The following MALRD1 variants were observed in gnomAD, a reference collection of about 807,000 sequenced individuals.
The protein encoded by MALRD1 is MAM and LDL-receptor class A domain-containing protein 1.
Under a neutral mutation model 242.1 loss-of-function variants are expected in MALRD1, and 247 were observed. That is an observed-to-expected ratio of 1.02 (90% CI 0.92 to 1.13). The LOEUF is 1.13. MALRD1 is among the 50% of genes most tolerant of loss of function. The pLI, the probability that MALRD1 is intolerant of heterozygous loss-of-function variation, is 0.00. For missense variants in MALRD1, 2,989 were observed against 2,533.1 expected (o/e 1.18, Z -3.86); for synonymous variants, 995 against 866.6 (o/e 1.15, Z -2.60).
intron 6 of MALRD1, 47 bp from the exon 7 acceptor site, chr10:19,124,477 C>T (rs1267224193): frequency 8.1e-7 from 1 of 1,232,226 alleles, no homozygotes; most frequent in African/African-American, 1.6e-5. Context: ...GTTAAGCAGC[C>T]ACTCTAGCAG....
At chr10:19,287,774 A>C (rs1841198700) in intron 21 of MALRD1, among the ~76,000 whole-genome samples, 1 of 152,112 alleles carries the variant, frequency 6.6e-6, no homozygotes, top group Non-Finnish European at 1.5e-5. Context: ...TCACCTAACA[A>C]TGCATTTCTC....
At chr10:19,540,096 T>C (rs1028180076) in intron 32 of MALRD1, among the ~76,000 whole-genome samples, 6 of 151,952 alleles carry the variant, frequency 3.9e-5, no homozygotes, top group Non-Finnish European at 7.4e-5. Flanking sequence ...ATCTTCTTTG[T>C]CAAACTCACT....
chr10:19,244,002 T>C (rs762458423), intron 18 of MALRD1, among the ~76,000 whole-genome samples: 1 of 152,182 alleles, frequency 6.6e-6, no homozygotes, highest in Non-Finnish European at 1.5e-5. Flanking sequence ...TATATGAAAG[T>C]AAATGTCCTA....
At chr10:19,304,261 C>T (rs996674643) in intron 21 of MALRD1, among the ~76,000 whole-genome samples, 2 of 151,664 alleles carry the variant, frequency 1.3e-5, no homozygotes, top group African/African-American at 4.8e-5. Flanking sequence ...CCAGGTTACA[C>T]ATGGCATATC....
intron 31 of MALRD1, among the ~76,000 whole-genome samples, chr10:19,515,081 C>CAAA (rs199895436): frequency 8.3e-5 from 12 of 144,458 alleles, no homozygotes; most frequent in East Asian, 2.0e-4. Flanking sequence ...TGCTTTAGGA[C>CAAA]AAAAAAAAAA....
At chr10:19,117,175 C>A (rs542414739) in intron 5 of MALRD1, among the ~76,000 whole-genome samples, 19 of 151,464 alleles carry the variant, frequency 1.3e-4, no homozygotes, top group African/African-American at 4.6e-4. Context: ...AAATAACTGA[C>A]ATCTTTAAAT....
chr10:19,348,064 T>C, intron 25 of MALRD1, 46 bp downstream of exon 25: 1 of 1,521,200 alleles, frequency 6.6e-7, no homozygotes, highest in Non-Finnish European at 8.8e-7. Flanking sequence ...ACAGAATTAT[T>C]GTGAGCAAGT....
chr10:19,428,410 C>T (rs1218136548), intron 28 of MALRD1, among the ~76,000 whole-genome samples: 1 of 151,964 alleles, frequency 6.6e-6, no homozygotes, highest in Non-Finnish European at 1.5e-5. Context: ...ATTTTAATCC[C>T]TGAATACGAT....
chr10:19,498,266 A>G (rs532361372), intron 30 of MALRD1, among the ~76,000 whole-genome samples: 10 of 152,342 alleles, frequency 6.6e-5, no homozygotes, highest in Admixed American at 2.0e-4. Flanking sequence ...TTATTCGTCA[A>G]TGCATATAAC....
chr10:19,729,256 A>G (rs1293702848), intron 38 of MALRD1, among the ~76,000 whole-genome samples: 1 of 152,222 alleles, frequency 6.6e-6, no homozygotes, highest in Non-Finnish European at 1.5e-5. Flanking sequence ...GACAATAGGC[A>G]GTTATGCCTA....
At chr10:19,463,897 A>T (rs1310423289) in intron 29 of MALRD1, among the ~76,000 whole-genome samples, 1 of 151,940 alleles carries the variant, frequency 6.6e-6, no homozygotes, top group African/African-American at 2.4e-5. Context: ...TGATTTTTTG[A>T]TTATGGCCAT....
In MALRD1 at chr10:19,335,736, C is replaced by T. The variant is rs369439300; in HGVS notation, c.3901+4154C>T. 3.3e-5 allele frequency among the ~76,000 whole-genome samples: 5 copies of T among 152,096 alleles called. No individual in the cohort carries two copies. The East Asian group carries it at 7.7e-4, about 24-fold the overall frequency. On this transcript the variant is annotated intron_variant, in intron 24 of 39. Coordinates refer to ENST00000454679, the MANE Select transcript of MALRD1 (RefSeq NM_001142308.3). Reference sequence around the variant, plus strand: ...ATGTGATTAGGTAGAAATATACCATCTAGGAATAGCAGAAAGAATGAAAGA... The same window carrying T: ...ATGTGATTAGGTAGAAATATACCATTTAGGAATAGCAGAAAGAATGAAAGA...
At chr10:19,688,822 A>T (rs1367017003) in intron 36 of MALRD1, among the ~76,000 whole-genome samples, 1 of 152,210 alleles carries the variant, frequency 6.6e-6, no homozygotes, top group East Asian at 1.9e-4. Flanking sequence ...TTTTAAAGAA[A>T]TCCAGGGATC....
At chr10:19,615,141 A>C (rs1015375756) in intron 35 of MALRD1, among the ~76,000 whole-genome samples, 4 of 152,054 alleles carry the variant, frequency 2.6e-5, no homozygotes, top group Admixed American at 2.6e-4. Context: ...TGGATATGCT[A>C]ATTTCCCTGA....
chr10:19,404,678 G>T (rs563796734), intron 28 of MALRD1, among the ~76,000 whole-genome samples: 1 of 152,030 alleles, frequency 6.6e-6, no homozygotes, highest in Non-Finnish European at 1.5e-5. Flanking sequence ...CTGGGGAAGT[G>T]ATTGTTTTAT....
In MALRD1 at chr10:19,174,068, G is replaced by A. The variant is rs936255625; in HGVS notation, c.1831-1140G>A. ...GAAAACTCTCTATGTTTATGCTTAAGTTCAACAATGAATGGACAATCATGA... is the reference window on the plus strand; with the variant it reads ...GAAAACTCTCTATGTTTATGCTTAAATTCAACAATGAATGGACAATCATGA... On this transcript the variant is annotated intron_variant, in intron 13 of 39. Transcript: ENST00000454679. Among the ~76,000 whole-genome samples the A allele has an allele frequency of 2.6e-5, 4 of 152,136 alleles. No homozygotes were observed. The East Asian group carries it at 7.7e-4, about 29-fold the overall frequency.
intron 32 of MALRD1, among the ~76,000 whole-genome samples, chr10:19,547,911 C>A (rs1021140060): frequency 1.5e-5 from 2 of 132,144 alleles, no homozygotes; most frequent in Non-Finnish European, 3.2e-5. Context: ...GCTATTTTCC[C>A]AACAACTTGT....
chr10:19,526,244 A>T (rs1373165892), intron 31 of MALRD1, among the ~76,000 whole-genome samples: 2 of 152,054 alleles, frequency 1.3e-5, no homozygotes, highest in Non-Finnish European at 2.9e-5. Flanking sequence ...CTGAAAGTAT[A>T]ATTCAATGTA....
intron 38 of MALRD1, among the ~76,000 whole-genome samples, chr10:19,696,610 A>G (rs1465602367): frequency 6.6e-6 from 1 of 152,156 alleles, no homozygotes; most frequent in Non-Finnish European, 1.5e-5. Flanking sequence ...TTTTTAATCC[A>G]TTAAGACTAT....
Sources: allele counts gnomAD v4.1 joint callset (sites outside exome capture counted in the v4.1 genomes callset), GRCh38; gene constraint gnomAD v4.1.1; transcripts MANE v1.5; gene names NCBI Gene and HGNC (gene_info 2026-07-23, HGNC 2026-07-21).